HHAT: variants seen among roughly 807,000 people sequenced by gnomAD.
The protein encoded by HHAT is protein-cysteine N-palmitoyltransferase HHAT.
HHAT carries 47 observed loss-of-function variants against 70.8 expected under a neutral mutation model. The ratio of observed to expected loss-of-function variants is 0.66; its 90% CI spans 0.53 to 0.85. The LOEUF (loss-of-function observed/expected upper bound fraction) is 0.85. Ranked by LOEUF, HHAT falls within the 40% of genes least tolerant of loss-of-function variation. HHAT has a pLI of 0.00. For synonymous variants in HHAT, 228 were observed against 247.6 expected (o/e 0.92, Z 0.74); for missense variants, 609 against 604.8 (o/e 1.01, Z -0.07).
chr1:210,497,341 T>C (rs1467721354), intron 8 of HHAT, among the ~76,000 whole-genome samples: 1 of 152,200 alleles, frequency 6.6e-6, no homozygotes, highest in Non-Finnish European at 1.5e-5. Flanking sequence ...TAACAAATTA[T>C]TTTTGAAGTG....
chr1:210,426,649 G>A (rs1271430581), intron 7 of HHAT, among the ~76,000 whole-genome samples: 1 of 152,072 alleles, frequency 6.6e-6, no homozygotes, highest in Non-Finnish European at 1.5e-5. Context: ...TACATTTATT[G>A]ATTTGCATAT....
intron 1 of HHAT, among the ~76,000 whole-genome samples, chr1:210,340,290 G>C (rs997137374): frequency 1.3e-5 from 2 of 148,816 alleles, no homozygotes; most frequent in Admixed American, 1.3e-4. Flanking sequence ...GGTTTGGAGA[G>C]AATTGTGATA....
intron 8 of HHAT, among the ~76,000 whole-genome samples, chr1:210,478,630 A>G (rs538616863): frequency 3.9e-5 from 6 of 152,238 alleles, no homozygotes; most frequent in African/African-American, 7.2e-5. Flanking sequence ...ACTCTGTGAA[A>G]GCATCTTCCT....
chr1:210,622,100 T>TA (rs1268854469), intron 10 of HHAT, among the ~76,000 whole-genome samples: 1 of 152,298 alleles, frequency 6.6e-6, no homozygotes, highest in South Asian at 2.1e-4. Context: ...TAGGGCCGCA[T>TA]AATAAGTAAG....
chr1:210,329,312 C>G, intron 1 of HHAT: 2 of 1,220,800 alleles, frequency 1.6e-6, no homozygotes, highest in African/African-American at 1.6e-5. Flanking sequence ...TGCGCCCGGG[C>G]AAAGGCGGGG....
At chr1:210,612,928 A>G (rs1666885427) in intron 10 of HHAT, among the ~76,000 whole-genome samples, 1 of 152,064 alleles carries the variant, frequency 6.6e-6, no homozygotes, top group African/African-American at 2.4e-5. Flanking sequence ...TCTTTGGATA[A>G]ATGTCTATTC....
intron 7 of HHAT, among the ~76,000 whole-genome samples, chr1:210,458,909 A>G (rs1399963149): frequency 3.9e-5 from 6 of 152,200 alleles, no homozygotes; most frequent in Admixed American, 6.5e-5. Flanking sequence ...ATGTATGTCA[A>G]TCTGGGAAGG....
intron 10 of HHAT, among the ~76,000 whole-genome samples, chr1:210,621,081 T>G (rs1668723669): frequency 6.6e-6 from 1 of 152,176 alleles, no homozygotes; most frequent in Admixed American, 6.5e-5. Flanking sequence ...CCTCCTGCTG[T>G]GTCCAGTCCT....
At chr1:210,494,941 C>T (rs921771876) in intron 8 of HHAT, among the ~76,000 whole-genome samples, 2 of 152,138 alleles carry the variant, frequency 1.3e-5, no homozygotes, top group Non-Finnish European at 2.9e-5. Context: ...TGAGCTGGGA[C>T]TCCCAATTTG....
At chr1:210,671,394 G>A (rs1680050420) in intron 11 of HHAT, among the ~76,000 whole-genome samples, 1 of 152,208 alleles carries the variant, frequency 6.6e-6, no homozygotes, top group Admixed American at 6.5e-5. Flanking sequence ...CTTCCAGCAG[G>A]ATGGGTCCAT....
chr1:210,406,640 C>T (rs1002477905), intron 6 of HHAT, among the ~76,000 whole-genome samples: 1 of 152,132 alleles, frequency 6.6e-6, no homozygotes, highest in African/African-American at 2.4e-5. Flanking sequence ...GCAATCTGCC[C>T]TCAGCCTCCC....
chr1:210,644,936 C>T (rs927171427), intron 11 of HHAT, among the ~76,000 whole-genome samples: 9 of 152,178 alleles, frequency 5.9e-5, no homozygotes, highest in Admixed American at 4.6e-4. Context: ...CTTCCACTTA[C>T]TGCGCATGGC....
rs398053777 is a variant in HHAT, at chr1:210,360,304, GT to G, written c.92-2535del. On this transcript the variant is annotated intron_variant, in intron 2 of 11. Coordinates refer to ENST00000261458, the MANE Select transcript of HHAT (RefSeq NM_018194.6). ...AAACATGAGGAAAGGTTGTTTTTGT[GT>G]TTTTTTTTTTTTGTTTTGTTTTGAT... 7.5e-4 allele frequency among the ~76,000 whole-genome samples: 104 copies of G among 138,096 alleles called. 2 individuals carry two copies. The highest frequency in any genetic ancestry group is 3.5e-3 in the East Asian group (17 of 4,828). The allele number at this position is 138,096 out of a possible 152,430, so 90.6% of individuals were successfully genotyped here.
chr1:210,376,300 G>A (rs1558390541), intron 3 of HHAT, among the ~76,000 whole-genome samples: 1 of 151,888 alleles, frequency 6.6e-6, no homozygotes, highest in Non-Finnish European at 1.5e-5. Context: ...TTTGCTTATT[G>A]TCGTTCCTTA....
chr1:210,668,387 G>C (rs1448625994), intron 11 of HHAT, among the ~76,000 whole-genome samples: 1 of 152,214 alleles, frequency 6.6e-6, no homozygotes, highest in African/African-American at 2.4e-5. Context: ...ATGGTCATGG[G>C]AAGGACCCGG....
chr1:210,500,051 G>A (rs1031760530), intron 8 of HHAT, among the ~76,000 whole-genome samples: 1 of 152,200 alleles, frequency 6.6e-6, no homozygotes, highest in Non-Finnish European at 1.5e-5. Flanking sequence ...TATAAAAGGA[G>A]GGAAAGCCTG....
At chr1:210,560,350 C>A (rs1294490470) in intron 9 of HHAT, among the ~76,000 whole-genome samples, 1 of 152,078 alleles carries the variant, frequency 6.6e-6, no homozygotes, top group African/African-American at 2.4e-5. Flanking sequence ...GTCCATATCT[C>A]ACCTCTCTCA....
rs550881334 is a variant in HHAT at position 210,544,331 on chromosome 1, AG to A, written c.1043+31146del. On this transcript the variant is annotated intron_variant, in intron 9 of 11. Coordinates refer to ENST00000261458, the MANE Select transcript of HHAT (RefSeq NM_018194.6). The stretch of plus-strand genomic sequence containing the variant: ...AGTTAGAAGGGTTTAATAAGTCTCC[AG>A]GGTGTTTTGTTTTTTTCTTTTCTTT... Among the ~76,000 whole-genome samples, 633 of 147,848 alleles carry A rather than the reference AG, an allele frequency of 4.3e-3. 4 individuals carry two copies. The highest frequency in any genetic ancestry group is 0.015 in the African/African-American group (612 of 40,012).
intron 7 of HHAT, among the ~76,000 whole-genome samples, chr1:210,461,877 T>A (rs996911490): frequency 2.0e-5 from 3 of 152,198 alleles, no homozygotes; most frequent in Non-Finnish European, 4.4e-5. Context: ...TTGTATGACT[T>A]CTTGTGCTTT....
Sources: allele counts gnomAD v4.1 joint callset (sites outside exome capture counted in the v4.1 genomes callset), GRCh38; gene constraint gnomAD v4.1.1; transcripts MANE v1.5; gene names NCBI Gene and HGNC (gene_info 2026-07-23, HGNC 2026-07-21).